The following GRM8 variants were observed in gnomAD, a reference collection of about 807,000 sequenced individuals.
GRM8 encodes glutamate metabotropic receptor 8.
In GRM8, 47 loss-of-function variants were observed where a neutral mutation model predicts 87.2. The ratio of observed to expected loss-of-function variants is 0.54; its 90% CI spans 0.43 to 0.69. The LOEUF (loss-of-function observed/expected upper bound fraction) is 0.69, where lower values mean the gene tolerates loss of function less well. Ranked by LOEUF, GRM8 falls within the 30% of genes least tolerant of loss-of-function variation. The pLI, the probability that GRM8 is intolerant of heterozygous loss-of-function variation, is 0.00. For synonymous variants in GRM8, 396 were observed against 404.5 expected (o/e 0.98, Z 0.25); for missense variants, 1,019 against 1,139.2 (o/e 0.89, Z 1.52).
At chr7:126,567,149 A>T (rs1794286937) in intron 8 of GRM8, among the ~76,000 whole-genome samples, 1 of 152,166 alleles carries the variant, frequency 6.6e-6, no homozygotes, top group African/African-American at 2.4e-5. Context: ...AAGATGAATA[A>T]GCTCTAGAGA....
intron 7 of GRM8, among the ~76,000 whole-genome samples, chr7:126,765,751 C>T (rs1345830603): frequency 6.6e-6 from 1 of 151,924 alleles, no homozygotes; most frequent in Non-Finnish European, 1.5e-5. Context: ...ATAAAAGTAA[C>T]CCTAAAAGGA....
intron 7 of GRM8, among the ~76,000 whole-genome samples, chr7:126,695,836 C>T (rs184845184): frequency 6.6e-5 from 10 of 152,214 alleles, no homozygotes; most frequent in East Asian, 1.9e-4. Flanking sequence ...GCGGGGGACA[C>T]ATTAGCACAA....
chr7:126,592,150 C>A (rs1796730965), intron 8 of GRM8, among the ~76,000 whole-genome samples: 1 of 145,592 alleles, frequency 6.9e-6, no homozygotes, highest in African/African-American at 2.5e-5. Context: ...AGTCTCCCAT[C>A]AAAAAAAAAA....
In GRM8 at chr7:127,057,828, T is replaced by C. The variant is rs6945260; in HGVS notation, c.727+48668A>G. Among the ~76,000 whole-genome samples the C allele has an allele frequency of 4.8e-3, 722 of 151,538 alleles. 5 individuals carry two copies. Among genetic ancestry groups the C allele is most frequent in the African/African-American group, 0.017 (691 of 41,352 alleles). ...ATCCCACAAAAAAAAAAACCTAATA[T>C]AGGGAAAACTTGTGATAGAAACAGT... On this transcript the variant is annotated intron_variant, in intron 3 of 10. Coordinates refer to ENST00000339582, the MANE Select transcript of GRM8 (RefSeq NM_000845.3).
intron 3 of GRM8, among the ~76,000 whole-genome samples, chr7:127,025,818 CTTTAA>C (rs1267779597): frequency 3.3e-5 from 5 of 151,944 alleles, no homozygotes; most frequent in African/African-American, 7.2e-5. Context: ...ACTAGAGCTA[CTTTAA>C]TTTAACAATT....
chr7:126,451,211 A>T (rs1802581173), intron 9 of GRM8, among the ~76,000 whole-genome samples: 1 of 151,756 alleles, frequency 6.6e-6, no homozygotes, highest in Non-Finnish European at 1.5e-5. Context: ...AAACTTAACA[A>T]GCCTCTGATT....
At chr7:126,987,748 C>T (rs950166899) in intron 3 of GRM8, among the ~76,000 whole-genome samples, 2 of 152,176 alleles carry the variant, frequency 1.3e-5, no homozygotes, top group African/African-American at 4.8e-5. Context: ...CAGGCGTGAG[C>T]CACGGCGCCC....
At chr7:127,228,835 A>C (rs1371366597) in intron 2 of GRM8, 1 of 152,224 alleles carries the variant, frequency 6.6e-6, no homozygotes, top group East Asian at 1.9e-4. Flanking sequence ...CTTTCATAAG[A>C]ACCATTTTCT....
At chr7:126,787,750 G>A (rs530162810) in intron 6 of GRM8, among the ~76,000 whole-genome samples, 6 of 151,748 alleles carry the variant, frequency 4.0e-5, no homozygotes, top group East Asian at 1.9e-4. Context: ...TGCTGTGGTC[G>A]ATATCTTTTT....
At chr7:126,913,320 T>C (rs1803515130) in intron 3 of GRM8, among the ~76,000 whole-genome samples, 1 of 152,188 alleles carries the variant, frequency 6.6e-6, no homozygotes, top group South Asian at 2.1e-4. Flanking sequence ...ATATAATTTG[T>C]TAGAGCTACA....
intron 2 of GRM8, among the ~76,000 whole-genome samples, chr7:127,186,793 T>C (rs1794762688): frequency 6.6e-6 from 1 of 152,208 alleles, no homozygotes; most frequent in Non-Finnish European, 1.5e-5. Context: ...GCACCTGCTC[T>C]GTGGAGCCTA....
chr7:126,609,548 AC>A, intron 7 of GRM8, 50 bp from the exon 8 acceptor site: 1 of 1,433,912 alleles, frequency 7.0e-7, no homozygotes, highest in East Asian at 2.3e-5. Flanking sequence ...AAGATAGCCC[AC>A]TGGGTTTATT....
intron 7 of GRM8, among the ~76,000 whole-genome samples, chr7:126,758,281 G>A (rs73226983): frequency 0.015 from 2,232 of 152,208 alleles, 93 homozygotes; most frequent in Admixed American, 0.075. Flanking sequence ...TCTTAAGCAC[G>A]AATTATCTCA....
At chr7:126,768,943 A>C (rs188332694) in intron 7 of GRM8, among the ~76,000 whole-genome samples, 1 of 147,160 alleles carries the variant, frequency 6.8e-6, no homozygotes, top group African/African-American at 2.7e-5. Flanking sequence ...AAAAAAAAAT[A>C]AAGAAGAAGT....
At chr7:127,244,732 C>T (rs1798495832) in intron 1 of GRM8, among the ~76,000 whole-genome samples, 1 of 152,102 alleles carries the variant, frequency 6.6e-6, no homozygotes. Flanking sequence ...CCTTCTTGCC[C>T]CGAAAGGAAA....
chr7:126,847,065 C>T (rs1796768072), intron 6 of GRM8, among the ~76,000 whole-genome samples: 1 of 152,088 alleles, frequency 6.6e-6, no homozygotes, highest in African/African-American at 2.4e-5. Context: ...TTTGGATGTG[C>T]TGTTAAGGTA....
At chr7:126,916,450 A>G (rs1803909589) in intron 3 of GRM8, among the ~76,000 whole-genome samples, 1 of 152,248 alleles carries the variant, frequency 6.6e-6, no homozygotes, top group African/African-American at 2.4e-5. Flanking sequence ...AAGGCAAAGT[A>G]TCTTGGTATC....
At chr7:126,655,062 G>A (rs373970986) in intron 7 of GRM8, among the ~76,000 whole-genome samples, 128 of 152,258 alleles carry the variant, frequency 8.4e-4, no homozygotes, top group African/African-American at 2.9e-3. Context: ...AGTAAAAAAA[G>A]AACATACATA....
intron 2 of GRM8, among the ~76,000 whole-genome samples, chr7:127,169,907 T>C (rs1049020130): frequency 2.6e-5 from 4 of 152,192 alleles, no homozygotes; most frequent in African/African-American, 9.6e-5. Flanking sequence ...AAAATATTAT[T>C]GTTCGTAGAC....
Sources: gnomAD v4.1 joint callset for allele counts (sites outside exome capture counted in the v4.1 genomes callset) on GRCh38, gnomAD v4.1.1 for gene constraint, MANE v1.5 for transcripts, NCBI Gene and HGNC (gene_info 2026-07-23, HGNC 2026-07-21) for gene names.